PPP2R3A: variants seen among roughly 807,000 people sequenced by gnomAD.
The protein encoded by PPP2R3A is serine/threonine-protein phosphatase 2A regulatory subunit B'' subunit alpha.
In PPP2R3A, 80 loss-of-function variants were observed where a neutral mutation model predicts 106.9. The observed-to-expected ratio is 0.75, with a 90% CI of 0.62 to 0.90. The LOEUF is 0.90. Ranked by LOEUF, PPP2R3A falls within the 40% of genes least tolerant of loss-of-function variation. PPP2R3A has a pLI of 0.00. For missense variants in PPP2R3A, 1,386 were observed against 1,350.4 expected (o/e 1.03, Z -0.41); for synonymous variants, 483 against 468.3 (o/e 1.03, Z -0.41).
At chr3:135,976,957 A>G (rs1007880675) in intron 1 of PPP2R3A, among the ~76,000 whole-genome samples, 1 of 152,134 alleles carries the variant, frequency 6.6e-6, no homozygotes, top group Non-Finnish European at 1.5e-5. Flanking sequence ...ATATGTGCAT[A>G]AGTTGGTTTT....
intron 8 of PPP2R3A, 116 bp downstream of exon 8, chr3:136,082,537 A>T (rs1936810592): frequency 7.9e-6 from 9 of 1,138,714 alleles, no homozygotes; most frequent in Non-Finnish European, 1.1e-5. Flanking sequence ...AGTCCTCTTT[A>T]CAGGCCAATA....
intron 10 of PPP2R3A, among the ~76,000 whole-genome samples, chr3:136,093,538 T>C (rs947865803): frequency 3.9e-5 from 6 of 152,146 alleles, no homozygotes; most frequent in Non-Finnish European, 7.3e-5. Flanking sequence ...CTAGAACATA[T>C]AAACAACACT....
intron 5 of PPP2R3A, among the ~76,000 whole-genome samples, chr3:136,054,121 C>A (rs539243123): frequency 2.0e-5 from 3 of 152,124 alleles, no homozygotes; most frequent in Non-Finnish European, 4.4e-5. Flanking sequence ...ATTTCTTTAC[C>A]CAGTGCTTTT....
chr3:136,034,684 G>C (rs1314646403), intron 3 of PPP2R3A, among the ~76,000 whole-genome samples: 1 of 152,180 alleles, frequency 6.6e-6, no homozygotes, highest in Non-Finnish European at 1.5e-5. Context: ...CTGTTGAATA[G>C]AATGCATATT....
At chr3:135,991,821 G>A (rs1933176338) in intron 1 of PPP2R3A, among the ~76,000 whole-genome samples, 1 of 152,084 alleles carries the variant, frequency 6.6e-6, no homozygotes, top group African/African-American at 2.4e-5. Flanking sequence ...CACATTTCCT[G>A]TTTCTCCACT....
At chr3:136,090,769 A>G in intron 10 of PPP2R3A, 102 bp downstream of exon 10, 1 of 843,404 alleles carries the variant, frequency 1.2e-6, no homozygotes, top group African/African-American at 1.7e-5. Context: ...TCAACGTGGC[A>G]ATACTAAGAT....
At chr3:136,095,145 T>C (rs968354542) in intron 10 of PPP2R3A, among the ~76,000 whole-genome samples, 2 of 152,142 alleles carry the variant, frequency 1.3e-5, no homozygotes, top group Admixed American at 6.5e-5. Flanking sequence ...GTTTTTTTTT[T>C]CTATGGGGGG....
In PPP2R3A at chr3:136,003,062, A is replaced by C; in HGVS notation, c.1564A>C (p.Lys522Gln). The change falls in exon 2 of 14, where the codon AAG becomes CAG. Residue 522 changes from lysine (K) to glutamine (Q), a missense_variant. Physicochemically the swap from Lys to Gln is moderately conservative, Grantham distance 53. Coordinates refer to ENST00000264977, the MANE Select transcript of PPP2R3A (RefSeq NM_002718.5). ...LLMDLESFSQKMETSLREPLA... is the reference protein window; with the variant it reads ...LLMDLESFSQQMETSLREPLA... ...AATGGATTTGGAATCTTTTTCACAG[A>C]AGATGGAGACCTCTCTAAGAGAGCC... 1 of 1,611,842 alleles carries C rather than the reference A, an allele frequency of 6.2e-7. No homozygotes were observed. Among genetic ancestry groups the C allele is most frequent in the Non-Finnish European group, 8.5e-7 (1 of 1,179,480 alleles).
At chr3:136,044,545 T>C (rs1935403826) in intron 4 of PPP2R3A, among the ~76,000 whole-genome samples, 1 of 137,808 alleles carries the variant, frequency 7.3e-6, no homozygotes, top group South Asian at 2.3e-4. Context: ...CACCACAGCC[T>C]TGACAACAGA....
At position 136,082,380 on chromosome 3, in the gene PPP2R3A, T is replaced by C. The variant is rs1332448543; in HGVS notation, c.2747T>C (p.Leu916Pro). 2 of 1,613,912 alleles carry C rather than the reference T, an allele frequency of 1.2e-6. No homozygotes were observed. The highest frequency in any genetic ancestry group is 1.7e-6 in the Non-Finnish European group (2 of 1,179,774). Residue 916 changes from leucine to proline, a missense_variant, in exon 8 of 14, where the codon CTC (leucine) becomes CCC (proline). By Grantham distance (98) the Leu-to-Pro change is moderately conservative. Coordinates refer to ENST00000264977, the MANE Select transcript of PPP2R3A (RefSeq NM_002718.5). ...TGGGAACTAGATACTGATCACGACC[T>C]CTACATCAGCCAGGCCGATCTGTCT... The part of the protein sequence containing the change: ...KFWELDTDHD[L>P]YISQADLSRY...
rs1168402837 is a variant in PPP2R3A, at chr3:136,040,921, A to C, written c.2325A>C (p.Thr775=). Residue 775 remains threonine (T), a synonymous_variant, in exon 4 of 14, where the codon ACA becomes ACC. Transcript: ENST00000264977. ...TCAGGGCTGCAGGGGGAGAGAAGAC[A>C]GGATTTGTGACAGCACAGTCATTCA... ...PMFRAAGGEK[T]GFVTAQSFIA... is the part of the protein sequence containing the mutation. 1.2e-6 allele frequency: 2 copies of C among 1,613,786 alleles called. No individual in the cohort carries two copies.
intron 12 of PPP2R3A, among the ~76,000 whole-genome samples, chr3:136,105,396 C>T (rs1386064613): frequency 6.6e-6 from 1 of 152,154 alleles, no homozygotes; most frequent in Non-Finnish European, 1.5e-5. Flanking sequence ...GAAGCTAAGA[C>T]GGGAGGATCA....
intron 10 of PPP2R3A, among the ~76,000 whole-genome samples, chr3:136,095,613 A>T (rs184313291): frequency 6.6e-6 from 1 of 152,222 alleles, no homozygotes; most frequent in African/African-American, 2.4e-5. Flanking sequence ...TTGCATGTCT[A>T]CCTTCTTTCC....
chr3:136,020,754 T>C (rs1048118055), intron 2 of PPP2R3A, among the ~76,000 whole-genome samples: 2 of 151,858 alleles, frequency 1.3e-5, no homozygotes, highest in Non-Finnish European at 2.9e-5. Context: ...AATATGAGAG[T>C]GTAAGAGAAA....
At chr3:136,086,089 C>T (rs1217085363) in intron 8 of PPP2R3A, among the ~76,000 whole-genome samples, 1 of 151,554 alleles carries the variant, frequency 6.6e-6, no homozygotes, top group African/African-American at 2.4e-5. Context: ...CATGATGGTG[C>T]TGCTACACTC....
intron 2 of PPP2R3A, among the ~76,000 whole-genome samples, chr3:136,024,299 A>G (rs2107818711): frequency 6.6e-6 from 1 of 152,272 alleles, no homozygotes; most frequent in Admixed American, 6.5e-5. Context: ...AGTTTTATTC[A>G]GCTACTTTAA....
chr3:136,139,939 G>C (rs1274602060), intron 13 of PPP2R3A, among the ~76,000 whole-genome samples: 1 of 150,546 alleles, frequency 6.6e-6, no homozygotes, highest in East Asian at 1.9e-4. Flanking sequence ...CCAGGAGGTG[G>C]AGGTTGCAGT....
At chr3:136,083,508 C>T (rs6799056) in intron 8 of PPP2R3A, among the ~76,000 whole-genome samples, 37,151 of 152,076 alleles carry the variant, frequency 0.24, 4,817 homozygotes, top group African/African-American at 0.27. Flanking sequence ...TTAAACTCTT[C>T]CCATTATAAA....
chr3:135,999,998 G>A (rs1321755030), intron 1 of PPP2R3A, among the ~76,000 whole-genome samples: 3 of 151,998 alleles, frequency 2.0e-5, no homozygotes, highest in South Asian at 2.1e-4. Flanking sequence ...AGTGAATCAC[G>A]CATGCTCCAC....
Sources: gnomAD v4.1 joint callset for allele counts (sites outside exome capture counted in the v4.1 genomes callset) on GRCh38, gnomAD v4.1.1 for gene constraint, MANE v1.5 for transcripts, NCBI Gene and HGNC (gene_info 2026-07-23, HGNC 2026-07-21) for gene names.